The following PLEKHH2 variants were observed in gnomAD, a reference collection of about 807,000 sequenced individuals.
The protein encoded by PLEKHH2 is pleckstrin homology domain-containing family H member 2.
A neutral mutation model predicts 187.9 loss-of-function variants in PLEKHH2; 129 were observed. The observed-to-expected ratio is 0.69, with a 90% CI of 0.59 to 0.79. The LOEUF is 0.79. PLEKHH2 is among the 30% of genes least tolerant of loss of function. The pLI, the probability that PLEKHH2 is intolerant of heterozygous loss-of-function variation, is 0.00. For missense variants in PLEKHH2, 2,076 were observed against 1,751.2 expected (o/e 1.19, Z -3.31); for synonymous variants, 686 against 605.6 (o/e 1.13, Z -1.95).
intron 4 of PLEKHH2, among the ~76,000 whole-genome samples, chr2:43,693,360 A>G (rs1668916867): frequency 6.6e-6 from 1 of 152,222 alleles, no homozygotes; most frequent in African/African-American, 2.4e-5. Context: ...TTACATTTTA[A>G]ATATTTATAT....
intron 8 of PLEKHH2, among the ~76,000 whole-genome samples, 190 bp downstream of exon 8, chr2:43,700,798 C>T (rs1242664023): frequency 6.6e-6 from 1 of 152,070 alleles, no homozygotes; most frequent in African/African-American, 2.4e-5. Context: ...TACAGGCATG[C>T]ACTACCATGC....
At chr2:43,741,346 G>A (rs201159211) in intron 21 of PLEKHH2, 1 of 181,592 alleles carries the variant, frequency 5.5e-6, no homozygotes, top group East Asian at 1.4e-4. Flanking sequence ...TTCAATAAAA[G>A]CAACTATTTT....
intron 15 of PLEKHH2, among the ~76,000 whole-genome samples, chr2:43,719,902 G>A (rs1670400763): frequency 6.6e-6 from 1 of 151,662 alleles, no homozygotes; most frequent in South Asian, 2.1e-4. Context: ...TACATGCATT[G>A]ACATTAGAGT....
chr2:43,650,144 C>CTTTTTT (rs70965311), intron 2 of PLEKHH2, among the ~76,000 whole-genome samples: 53 of 95,670 alleles, frequency 5.5e-4, no homozygotes, highest in South Asian at 7.2e-4. Context: ...TTTTTCTTTC[C>CTTTTTT]TTTTTTTTTT....
Position 43,738,384 on chromosome 2 carries a change from T to C in PLEKHH2, c.2987T>C (p.Ile996Thr), listed in dbSNP as rs1671399574. ...FINAAVDSPA[I>T]DYHISLAQSA... The stretch of plus-strand genomic sequence containing the variant: ...AATGCTGCAGTTGACTCTCCTGCAA[T>C]TGATTACCACATATCTTTAGCCCAG... Residue 996 changes from isoleucine (I) to threonine (T), a missense_variant, in exon 20 of 30, where the codon ATT becomes ACT. Transcript: ENST00000282406. The C allele has an allele frequency of 6.2e-7, 1 of 1,613,232 alleles. No individual in the cohort carries two copies. The highest frequency in any genetic ancestry group is 1.3e-5 in the African/African-American group (1 of 75,034).
rs184219057 is a variant in PLEKHH2, at chr2:43,650,847, A to G, written c.123+6051A>G. ...TTTTTAGTAGAGACGGGGTTTCACT[A>G]TGTTGGCCAGGCTGGTCTTGAACTC... On this transcript the variant is annotated intron_variant, in intron 2 of 29. Transcript: ENST00000282406. Among the ~76,000 whole-genome samples the G allele has an allele frequency of 1.6e-3, 248 of 151,922 alleles. 3 individuals are homozygous for G. The highest frequency in any genetic ancestry group is 1.4e-3 in the Non-Finnish European group (95 of 67,954).
intron 20 of PLEKHH2, among the ~76,000 whole-genome samples, chr2:43,739,760 T>A (rs908731610): frequency 6.6e-6 from 1 of 152,138 alleles, no homozygotes; most frequent in African/African-American, 2.4e-5. Flanking sequence ...GCCCCATCCT[T>A]CAAACACACT....
At chr2:43,692,977 G>C (rs1363139840) in intron 4 of PLEKHH2, among the ~76,000 whole-genome samples, 2 of 152,106 alleles carry the variant, frequency 1.3e-5, no homozygotes, top group Admixed American at 1.3e-4. Flanking sequence ...GCAGTGGCTC[G>C]ATCTCAGCTC....
At chr2:43,759,325 C>T (rs1355380256) in intron 27 of PLEKHH2, among the ~76,000 whole-genome samples, 2 of 152,190 alleles carry the variant, frequency 1.3e-5, no homozygotes, top group Non-Finnish European at 2.9e-5. Context: ...CACATGTTTA[C>T]TCTGTCACTC....
intron 19 of PLEKHH2, among the ~76,000 whole-genome samples, chr2:43,737,827 G>C (rs572714937): frequency 6.6e-6 from 1 of 152,324 alleles, no homozygotes; most frequent in Non-Finnish European, 1.5e-5. Context: ...GAATACAGGA[G>C]GGAATTAACT....
At chr2:43,675,573 C>T (rs1057419044) in intron 2 of PLEKHH2, 3 of 1,613,556 alleles carry the variant, frequency 1.9e-6, no homozygotes, top group African/African-American at 2.7e-5. Context: ...CTTCAATAAG[C>T]TGTGCGATTG....
intron 16 of PLEKHH2, among the ~76,000 whole-genome samples, chr2:43,722,135 A>T (rs761885622): frequency 2.0e-5 from 3 of 151,322 alleles, no homozygotes; most frequent in Non-Finnish European, 4.4e-5. Flanking sequence ...GCATGCTTGT[A>T]GTCCTGGCTA....
intron 15 of PLEKHH2, among the ~76,000 whole-genome samples, chr2:43,716,298 C>G (rs1670205648): frequency 6.6e-6 from 1 of 152,074 alleles, no homozygotes; most frequent in Non-Finnish European, 1.5e-5. Context: ...AGGGCTGAAA[C>G]TGGAGGAAAA....
chr2:43,752,970 C>G (rs898318095), intron 24 of PLEKHH2, among the ~76,000 whole-genome samples: 1 of 152,154 alleles, frequency 6.6e-6, no homozygotes, highest in African/African-American at 2.4e-5. Context: ...CTTTCAGATT[C>G]CCAGAGAAAA....
chr2:43,680,164 C>T (rs1668095285), intron 3 of PLEKHH2, among the ~76,000 whole-genome samples: 1 of 152,146 alleles, frequency 6.6e-6, no homozygotes, highest in Non-Finnish European at 1.5e-5. Context: ...CCAGTGAGTT[C>T]TGGTGTTCTG....
chr2:43,738,321 TC>T lies in PLEKHH2; in HGVS notation c.2944-19del. On this transcript the variant is annotated intron_variant, in intron 19 of 29. Transcript: ENST00000282406. ...CTAATCACTCCTCACCTTGAATATA[TC>T]TTTTTTTGTTTAATTCAGACCTGCC... 3 of 1,584,368 alleles carry T rather than the reference TC, an allele frequency of 1.9e-6. No individual in the cohort carries two copies. Among genetic ancestry groups the T allele is most frequent in the Non-Finnish European group, 2.6e-6 (3 of 1,158,764 alleles).
chr2:43,726,877 G>A (rs1670775708), intron 17 of PLEKHH2, among the ~76,000 whole-genome samples: 1 of 152,176 alleles, frequency 6.6e-6, no homozygotes, highest in African/African-American at 2.4e-5. Context: ...ACAAATTAAT[G>A]GGGAAGTAAT....
In PLEKHH2 at chr2:43,760,505, G is replaced by A. The variant is rs190312517; in HGVS notation, c.4071+1476G>A. ...AGCCTTCCAAGTAGCTGGGATTACAGGCGCACACCACCACGCTCAGCTAAT... is the reference window on the plus strand; with the variant it reads ...AGCCTTCCAAGTAGCTGGGATTACAAGCGCACACCACCACGCTCAGCTAAT... On this transcript the variant is annotated intron_variant, in intron 27 of 29. Transcript: ENST00000282406. Among the ~76,000 whole-genome samples the A allele has an allele frequency of 4.1e-3, 627 of 152,012 alleles. 6 individuals carry two copies. Among genetic ancestry groups the A allele is most frequent in the African/African-American group, 0.014 (591 of 41,448 alleles).
chr2:43,639,588 C>T (rs773384379), intron 1 of PLEKHH2, among the ~76,000 whole-genome samples: 14 of 150,828 alleles, frequency 9.3e-5, no homozygotes, highest in African/African-American at 2.2e-4. Context: ...ATGACTATAG[C>T]GTGTATTAGT....
Sources: gnomAD v4.1 joint callset for allele counts (sites outside exome capture counted in the v4.1 genomes callset) on GRCh38, gnomAD v4.1.1 for gene constraint, MANE v1.5 for transcripts, NCBI Gene and HGNC (gene_info 2026-07-23, HGNC 2026-07-21) for gene names.